The following RASEF variants were observed in gnomAD, a reference collection of about 807,000 sequenced individuals.
The protein encoded by RASEF is RAS and EF-hand domain containing.
In RASEF, 68 loss-of-function variants were observed where a neutral mutation model predicts 90.1. The observed-to-expected ratio is 0.75, with a 90% CI of 0.62 to 0.92. The LOEUF (loss-of-function observed/expected upper bound fraction) is 0.92, where lower values mean the gene tolerates loss of function less well. Among genes scored for constraint, RASEF ranks in the 40% least tolerant of loss-of-function variants. The pLI is 0.00. For missense variants in RASEF, 949 were observed against 937.2 expected, an observed-to-expected ratio of 1.01 and a Z score of -0.16; for synonymous variants, 331 against 345.2, an observed-to-expected ratio of 0.96 and a Z score of 0.46.
At chr9:83,091,805 A>G in the RASEF span, among the ~76,000 whole-genome samples, 1 of 152,054 alleles carries the variant, frequency 6.6e-6, no homozygotes, top group African/African-American at 2.4e-5. Flanking sequence ...ATTACCAGAC[A>G]GTCAAACAAT....
chr9:83,168,647 G>T, the RASEF span, among the ~76,000 whole-genome samples: 6,391 of 152,224 alleles, frequency 0.042, 183 homozygotes, highest in Middle Eastern at 0.1. Context: ...TTAAAAATGG[G>T]CAGAAGATCT....
chr9:83,134,323 A>T, the RASEF span, among the ~76,000 whole-genome samples: 1 of 151,562 alleles, frequency 6.6e-6, no homozygotes, highest in South Asian at 2.1e-4. Flanking sequence ...CACACCTTTT[A>T]CCAAAGAGCT....
chr9:83,190,664 A>G, the RASEF span, among the ~76,000 whole-genome samples: 1 of 152,248 alleles, frequency 6.6e-6, no homozygotes, highest in Non-Finnish European at 1.5e-5. Flanking sequence ...GAACACCTGG[A>G]AAAGGCATGG....
the RASEF span, among the ~76,000 whole-genome samples, chr9:83,183,495 G>A: frequency 6.6e-6 from 1 of 152,078 alleles, no homozygotes; most frequent in Non-Finnish European, 1.5e-5. Context: ...AATACTTTTG[G>A]TATGAATATA....
At chr9:83,204,077 T>C in the RASEF span, among the ~76,000 whole-genome samples, 2 of 152,016 alleles carry the variant, frequency 1.3e-5, no homozygotes, top group Non-Finnish European at 2.9e-5. Flanking sequence ...GGAGAGCAGA[T>C]GGTAAGAAGG....
chr9:83,182,625 C>A, the RASEF span, among the ~76,000 whole-genome samples: 1 of 152,274 alleles, frequency 6.6e-6, no homozygotes. Flanking sequence ...TTAGTGTAAA[C>A]ACTTAGACAA....
the RASEF span, among the ~76,000 whole-genome samples, chr9:83,143,894 G>C: frequency 6.6e-6 from 1 of 152,100 alleles, no homozygotes; most frequent in Non-Finnish European, 1.5e-5. Context: ...CAAAGACATA[G>C]AATTGACCCA....
chr9:83,195,406 G>A, the RASEF span, among the ~76,000 whole-genome samples: 5 of 152,124 alleles, frequency 3.3e-5, no homozygotes, highest in Non-Finnish European at 5.9e-5. Flanking sequence ...CTGACAATCG[G>A]GTGGGAAAGT....
At chr9:83,105,623 G>T in the RASEF span, among the ~76,000 whole-genome samples, 1 of 152,152 alleles carries the variant, frequency 6.6e-6, no homozygotes, top group African/African-American at 2.4e-5. Flanking sequence ...AGACAAAATT[G>T]TTGCATTTAT....
chr9:82,982,479 G>A lies in RASEF; in HGVS notation c.*198C>T. 2.0e-6 allele frequency: 1 copy of A among 497,746 alleles called. No homozygotes were observed. Among genetic ancestry groups the A allele is most frequent in the South Asian group, 2.6e-5 (1 of 38,130 alleles). 30.8% of individuals were successfully genotyped at this position (497,746 alleles called of 1,614,324 possible). A position where few individuals can be genotyped will look rare whatever the true frequency, so the allele number is the denominator to read the frequency against. ...ACATGACTAGTCTATTTAGCCAGAG[G>A]GCCCAAATCACTCACTGAGACAAAA... On this transcript the variant is annotated 3_prime_UTR_variant, in exon 17 of 17. Coordinates refer to ENST00000376447, the MANE Select transcript of RASEF (RefSeq NM_152573.4).
At chr9:83,219,198 G>C in the RASEF span, 3 of 152,276 alleles carry the variant, frequency 2.0e-5, no homozygotes, top group South Asian at 4.1e-4. Flanking sequence ...CTTGCAGGTC[G>C]GGCACTGAGT....
At chr9:83,063,596 T>C (rs754872085), upstream of RASEF, among the ~76,000 whole-genome samples, 13 of 152,222 alleles carry the variant, frequency 8.5e-5, no homozygotes, top group Non-Finnish European at 5.9e-5. Flanking sequence ...AACGTTAAGG[T>C]CCCACTGCTT....
chr9:83,000,535 T>G lies in RASEF; in HGVS notation c.1473A>C (p.Leu491Phe). ...PDIRDEETFG[L>F]EDVASVLDWK... ...AGTCTAAGACGGAAGCCACATCTTC[T>G]AAACCAAATGTCTCTTCATCCCTTA... The change falls in exon 11 of 17, where the codon TTA becomes TTC. Residue 491 changes from leucine (L) to phenylalanine (F), a missense_variant. Leu to Phe is a conservative substitution (Grantham distance 22). This residue lies in a region of RASEF where 288 missense variants were observed against 328.4 expected (regional missense o/e 0.88). Transcript: ENST00000376447. 1 of 1,613,532 alleles carries G rather than the reference T, an allele frequency of 6.2e-7. No individual in the cohort carries two copies. The highest frequency in any genetic ancestry group is 8.5e-7 in the Non-Finnish European group (1 of 1,179,758).
At chr9:83,195,403 T>TA in the RASEF span, among the ~76,000 whole-genome samples, 1 of 152,098 alleles carries the variant, frequency 6.6e-6, no homozygotes, top group Non-Finnish European at 1.5e-5. Flanking sequence ...AAGCTGACAA[T>TA]CGGGTGGGAA....
chr9:83,120,795 A>G, the RASEF span, among the ~76,000 whole-genome samples: 1 of 152,214 alleles, frequency 6.6e-6, no homozygotes, highest in Non-Finnish European at 1.5e-5. Context: ...GGATGACCTC[A>G]TTCTTTTAAG....
intron 3 of RASEF, among the ~76,000 whole-genome samples, chr9:83,020,740 T>C (rs1264881511): frequency 1.3e-5 from 2 of 152,170 alleles, no homozygotes; most frequent in African/African-American, 4.8e-5. Context: ...ATATCCCCAT[T>C]ACCAGCAACA....
the RASEF span, among the ~76,000 whole-genome samples, chr9:83,170,461 T>A: frequency 6.6e-6 from 1 of 151,920 alleles, no homozygotes; most frequent in South Asian, 2.1e-4. Context: ...TATTTATGTA[T>A]GTCATTGGTA....
At chr9:82,996,398 C>G (rs1828919356) in intron 14 of RASEF, among the ~76,000 whole-genome samples, 1 of 152,092 alleles carries the variant, frequency 6.6e-6, no homozygotes, top group African/African-American at 2.4e-5. Flanking sequence ...AATTATTTAC[C>G]ATGAAACCAG....
chr9:83,025,676 A>G, intron 2 of RASEF, 99 bp downstream of exon 2: 1 of 1,222,316 alleles, frequency 8.2e-7, no homozygotes, highest in Non-Finnish European at 1.2e-6. Flanking sequence ...AAGTCCACCT[A>G]TATCATAGTG....
Sources: allele counts gnomAD v4.1 joint callset (sites outside exome capture counted in the v4.1 genomes callset), GRCh38; gene constraint gnomAD v4.1.1; regional missense constraint gnomAD v4.1.1; transcripts MANE v1.5; gene names NCBI Gene and HGNC (gene_info 2026-07-23, HGNC 2026-07-21).